GPSM1: variants seen among roughly 807,000 people sequenced by gnomAD.
GPSM1 encodes G protein-signaling modulator 1.
A neutral mutation model predicts 70.5 loss-of-function variants in GPSM1; 48 were observed. The ratio of observed to expected loss-of-function variants is 0.68; its 90% CI spans 0.54 to 0.87. The LOEUF is 0.87. Among genes scored for constraint, GPSM1 ranks in the 40% least tolerant of loss-of-function variants. The pLI is 0.00. For synonymous variants in GPSM1, 416 were observed against 430.1 expected, an observed-to-expected ratio of 0.97 and a Z score of 0.41; for missense variants, 981 against 972.6, an observed-to-expected ratio of 1.01 and a Z score of -0.11.
chr9:136,343,536 G>A lies in GPSM1; in HGVS notation c.1207+2543G>A, dbSNP rs1554770706. 1.3e-5 allele frequency among the ~76,000 whole-genome samples: 2 copies of A among 152,240 alleles called. No homozygotes were observed. Among genetic ancestry groups the A allele is most frequent in the Non-Finnish European group, 2.9e-5 (2 of 68,036 alleles). On this transcript the variant is annotated intron_variant, in intron 9 of 13. Coordinates refer to ENST00000440944, the MANE Select transcript of GPSM1 (RefSeq NM_001145638.3). This position sits in a 1 kb window ranked among gnomAD's most constrained non-coding sequence, Gnocchi z 6.0. ...GAGTTACTGGGGGAGCATGCCACCAGCCTTCCTGGGAGAAGTCCCCTGAAC... is the reference window on the plus strand; with the variant it reads ...GAGTTACTGGGGGAGCATGCCACCAACCTTCCTGGGAGAAGTCCCCTGAAC...
At position 136,341,238 on chromosome 9, in the gene GPSM1, C is replaced by T; in HGVS notation, c.1207+245C>T. 1 of 1,509,048 alleles carries T rather than the reference C, an allele frequency of 6.6e-7. No individual in the cohort carries two copies. Among genetic ancestry groups the T allele is most frequent in the Non-Finnish European group, 8.9e-7 (1 of 1,125,278 alleles). The allele number at this position is 1,509,048 out of a possible 1,614,324, so 93.5% of individuals were successfully genotyped here. A position where few individuals can be genotyped will look rare whatever the true frequency, so the allele number is the denominator to read the frequency against. The stretch of plus-strand genomic sequence containing the variant: ...TGGATGAAGGACAGGAGGTGGTCGC[C>T]TGTTGCCCCACTGGCTGCTCCAGGG... On this transcript the variant is annotated intron_variant, in intron 9 of 13. Transcript: ENST00000440944. This position sits in a 1 kb window ranked among gnomAD's most constrained non-coding sequence, Gnocchi z 6.7.
chr9:136,335,110 G>C (rs1246067948), intron 2 of GPSM1, among the ~76,000 whole-genome samples: 2 of 152,166 alleles, frequency 1.3e-5, no homozygotes, highest in Non-Finnish European at 2.9e-5. Flanking sequence ...CTGTGCGTGA[G>C]CACTCGTGAC....
intron 1 of GPSM1, 93 bp from the exon 2 acceptor site, chr9:136,334,354 C>A (rs1457638520): frequency 1.2e-5 from 10 of 837,160 alleles, no homozygotes; most frequent in Non-Finnish European, 1.9e-5. Flanking sequence ...CTAGCCCACC[C>A]AGGGGCGTCG....
chr9:136,338,783 G>A (rs1322181588), intron 7 of GPSM1, 73 bp downstream of exon 7: 1 of 1,410,558 alleles, frequency 7.1e-7, no homozygotes, highest in Non-Finnish European at 9.5e-7. Flanking sequence ...CAGGCGAGGT[G>A]GCCTGGGTCC....
chr9:136,341,943 GC>G lies in GPSM1; in HGVS notation c.1207+953del. 1 of 256,438 alleles carries G rather than the reference GC, an allele frequency of 3.9e-6. No individual in the cohort carries two copies. The highest frequency in any genetic ancestry group is 6.1e-6 in the Non-Finnish European group (1 of 163,246). The allele number at this position is 256,438 out of a possible 1,614,324, so 15.9% of individuals were successfully genotyped here. A position where few individuals can be genotyped will look rare whatever the true frequency, so the allele number is the denominator to read the frequency against. ...TGGGATTATAGGCGTGAGCCACCGTGCCCAGCCATCCCCTGGGTTTTTGTGC... is the reference window on the plus strand; with the variant it reads ...TGGGATTATAGGCGTGAGCCACCGTGCCAGCCATCCCCTGGGTTTTTGTGC... On this transcript the variant is annotated intron_variant, in intron 9 of 13. Coordinates refer to ENST00000440944, the MANE Select transcript of GPSM1 (RefSeq NM_001145638.3). The surrounding 1 kb of genome is among the most constrained non-coding windows in gnomAD (Gnocchi z 6.7).
intron 2 of GPSM1, among the ~76,000 whole-genome samples, chr9:136,335,629 C>T (rs2131395957): frequency 6.6e-6 from 1 of 152,132 alleles, no homozygotes; most frequent in Non-Finnish European, 1.5e-5. Context: ...CCCAAGTCCT[C>T]CCCGGATCCT....
Position 136,340,542 on chromosome 9 carries a change from CAG to C in GPSM1, c.1084-327_1084-326del, listed in dbSNP as rs1163062274. Among the ~76,000 whole-genome samples the C allele has an allele frequency of 2.0e-5, 3 of 152,012 alleles. No homozygotes were observed. Among genetic ancestry groups the C allele is most frequent in the Non-Finnish European group, 2.9e-5 (2 of 67,982 alleles). ...CCCCACAGAGCCTCGGCGCACAAGG[CAG>C]GGGCTGAGAGAGGTGCAGCCGGGCG... On this transcript the variant is annotated intron_variant, in intron 8 of 13. Transcript: ENST00000440944. This position sits in a 1 kb window ranked among gnomAD's most constrained non-coding sequence, Gnocchi z 7.3.
chr9:136,357,978 G>T (rs781803432), intron 13 of GPSM1, 36 bp from the exon 14 acceptor site: 2 of 1,555,668 alleles, frequency 1.3e-6, no homozygotes, highest in Non-Finnish European at 1.8e-6. Context: ...CTGGGGCTGG[G>T]GGGGTGAGGC....
intron 1 of GPSM1, 55 bp downstream of exon 1, chr9:136,327,818 G>T (rs1226144133): frequency 2.8e-6 from 2 of 710,814 alleles, no homozygotes; most frequent in African/African-American, 1.9e-5. Context: ...ACCGGGCCGG[G>T]TCGGGACGCG....
intron 1 of GPSM1, among the ~76,000 whole-genome samples, chr9:136,333,618 C>T (rs959718765): frequency 6.6e-6 from 1 of 152,170 alleles, no homozygotes; most frequent in Non-Finnish European, 1.5e-5. Context: ...CGTTGGTGTT[C>T]AGAAGAGGGC....
intron 1 of GPSM1, among the ~76,000 whole-genome samples, chr9:136,331,126 G>A (rs1379239393): frequency 6.6e-6 from 1 of 152,190 alleles, no homozygotes; most frequent in African/African-American, 2.4e-5. Context: ...GGTGGCTGGA[G>A]AAGCTGGGAG....
At chr9:136,334,733 G>A (rs974232845) in intron 2 of GPSM1, 65 bp downstream of exon 2, 30 of 1,354,212 alleles carry the variant, frequency 2.2e-5, no homozygotes, top group African/African-American at 2.2e-4. Flanking sequence ...GAGTGGGGAC[G>A]GCCCTGCTGG....
rs368235972 is a variant in GPSM1, at chr9:136,348,678, C to T, written c.1208-19C>T. On this transcript the variant is annotated intron_variant, in intron 9 of 13. Transcript: ENST00000440944. Reference sequence around the variant, plus strand: ...GGTGCCAGGGTGGTGCTGGGCTGACCGGGTCCCTCTGTCTTCAGGGGCCAG... The same window carrying T: ...GGTGCCAGGGTGGTGCTGGGCTGACTGGGTCCCTCTGTCTTCAGGGGCCAG... 7.5e-5 allele frequency: 120 copies of T among 1,600,972 alleles called. 2 individuals carry two copies. In the South Asian group the frequency reaches 1.1e-3, roughly 15 times the overall value.
chr9:136,344,384 C>A (rs959734662), intron 9 of GPSM1, among the ~76,000 whole-genome samples: 4 of 152,234 alleles, frequency 2.6e-5, no homozygotes, highest in Non-Finnish European at 5.9e-5. Context: ...TTACTCCTCA[C>A]GGCTCTGGAG....
intron 12 of GPSM1, 49 bp from the exon 13 acceptor site, chr9:136,356,293 G>C (rs1832820288): frequency 7.2e-7 from 1 of 1,387,002 alleles, no homozygotes; most frequent in South Asian, 1.4e-5. Flanking sequence ...CCGAGCCTCG[G>C]GCTTGACCCC....
At chr9:136,336,413 A>C (rs28480288) in intron 3 of GPSM1, among the ~76,000 whole-genome samples, 39,043 of 152,074 alleles carry the variant, frequency 0.26, 6,143 homozygotes, top group Non-Finnish European at 0.36. Flanking sequence ...AGCGGGAGGC[A>C]GGGGGTGGCT....
chr9:136,332,175 G>A (rs1257917239), intron 1 of GPSM1: 13 of 399,202 alleles, frequency 3.3e-5, no homozygotes, highest in African/African-American at 6.1e-5. Context: ...GAAGAGGTGC[G>A]GCGGGCAGCG....
chr9:136,349,584 C>T lies in GPSM1; in HGVS notation c.1279-3C>T. 1.9e-6 allele frequency: 3 copies of T among 1,549,828 alleles called. No individual in the cohort carries two copies. Among genetic ancestry groups the T allele is most frequent in the Non-Finnish European group, 2.6e-6 (3 of 1,146,514 alleles). On this transcript the variant is annotated splice_region_variant and splice_polypyrimidine_tract_variant and intron_variant, in intron 10 of 13. Transcript: ENST00000440944. ...GGCCACGCACAGCCTTACCCCTCCCCAGGAGCAGAATGGAGACAGCCACCA... is the reference window on the plus strand; with the variant it reads ...GGCCACGCACAGCCTTACCCCTCCCTAGGAGCAGAATGGAGACAGCCACCA...
At chr9:136,345,452 C>T (rs930515295) in intron 9 of GPSM1, among the ~76,000 whole-genome samples, 1 of 152,182 alleles carries the variant, frequency 6.6e-6, no homozygotes, top group Admixed American at 6.5e-5. Flanking sequence ...CGCAGCGGGC[C>T]TTCCGCCCAC....
Sources: gnomAD v4.1 joint callset for allele counts (sites outside exome capture counted in the v4.1 genomes callset) on GRCh38, gnomAD v4.1.1 for gene constraint, Gnocchi (gnomAD v3.1) non-coding constraint, MANE v1.5 for transcripts, NCBI Gene and HGNC (gene_info 2026-07-23, HGNC 2026-07-21) for gene names.